ABHD18: variants seen among roughly 807,000 people sequenced by gnomAD.
ABHD18 encodes cardiolipin-specific deacylase, mitochondrial.
A neutral mutation model predicts 65.9 loss-of-function variants in ABHD18; 55 were observed. The ratio of observed to expected loss-of-function variants is 0.84; its 90% CI spans 0.67 to 1.05. ABHD18 has a LOEUF of 1.05. Among genes scored for constraint, ABHD18 ranks in the 50% least tolerant of loss-of-function variants. ABHD18 has a pLI of 0.00. For missense variants in ABHD18, 533 were observed against 558.5 expected (o/e 0.95, Z 0.46); for synonymous variants, 181 against 180.2 (o/e 1.00, Z -0.04).
At chr4:127,998,123 A>G (rs1483235696) in intron 4 of ABHD18, among the ~76,000 whole-genome samples, 1 of 152,038 alleles carries the variant, frequency 6.6e-6, no homozygotes, top group Admixed American at 6.6e-5. Flanking sequence ...TCCTGGGCTC[A>G]AGGGATCCTC....
At chr4:127,985,947 G>C (rs1255276364) in intron 3 of ABHD18, among the ~76,000 whole-genome samples, 1 of 152,066 alleles carries the variant, frequency 6.6e-6, no homozygotes, top group Non-Finnish European at 1.5e-5. Context: ...CCCAGGATGC[G>C]GAGGTTGCAG....
At chr4:128,004,080 A>G (rs1382668182) in intron 4 of ABHD18, among the ~76,000 whole-genome samples, 1 of 151,950 alleles carries the variant, frequency 6.6e-6, no homozygotes, top group African/African-American at 2.4e-5. Context: ...TATTCTTTTT[A>G]TAACATCTGT....
intron 4 of ABHD18, 24 bp downstream of exon 4, chr4:127,989,845 G>C: frequency 7.3e-7 from 1 of 1,360,994 alleles, no homozygotes; most frequent in South Asian, 1.4e-5. Flanking sequence ...TGTTCAAAAA[G>C]ATGAATACAT....
chr4:127,973,368 G>A (rs192534570), intron 1 of ABHD18, among the ~76,000 whole-genome samples: 1 of 152,270 alleles, frequency 6.6e-6, no homozygotes, highest in African/African-American at 2.4e-5. Flanking sequence ...ATTCAAGTCT[G>A]TGGAGTTTGG....
chr4:128,016,291 T>C (rs960281018), intron 7 of ABHD18, among the ~76,000 whole-genome samples: 8 of 152,060 alleles, frequency 5.3e-5, no homozygotes, highest in African/African-American at 1.9e-4. Flanking sequence ...TGTGTAAAAT[T>C]AGCTTCTAAA....
intron 4 of ABHD18, among the ~76,000 whole-genome samples, chr4:127,995,517 T>A (rs181822071): frequency 6.3e-4 from 96 of 152,330 alleles, no homozygotes; most frequent in African/African-American, 2.1e-3. Flanking sequence ...GACTCGTGAT[T>A]TTAAATATGT....
intron 7 of ABHD18, among the ~76,000 whole-genome samples, chr4:128,012,692 A>G (rs918043623): frequency 6.6e-6 from 1 of 152,106 alleles, no homozygotes; most frequent in Admixed American, 6.6e-5. Flanking sequence ...TTGGAATAAG[A>G]TCAGCCACAG....
At chr4:127,991,326 A>G (rs1402787672) in intron 4 of ABHD18, among the ~76,000 whole-genome samples, 1 of 152,190 alleles carries the variant, frequency 6.6e-6, no homozygotes, top group Admixed American at 6.5e-5. Flanking sequence ...TCCCGGGTTC[A>G]GGTGATTCTC....
intron 3 of ABHD18, among the ~76,000 whole-genome samples, chr4:127,985,027 G>C (rs190307505): frequency 6.6e-6 from 1 of 152,182 alleles, no homozygotes; most frequent in East Asian, 1.9e-4. Context: ...GGCTCAGGAG[G>C]GTTAAACCAC....
intron 1 of ABHD18, among the ~76,000 whole-genome samples, chr4:127,976,855 C>T (rs1748013609): frequency 6.6e-6 from 1 of 152,080 alleles, no homozygotes; most frequent in Non-Finnish European, 1.5e-5. Flanking sequence ...TCCTGGCTAA[C>T]ACGCTGAAAC....
At chr4:127,966,202 T>TA in intron 1 of ABHD18, 1 of 152,324 alleles carries the variant, frequency 6.6e-6, no homozygotes, top group South Asian at 2.1e-4. Context: ...ATTAGGCTTG[T>TA]AGGCTAGCTG....
rs1231022099 is a variant in ABHD18 at position 127,968,701 on chromosome 4, A to G, written c.-18+3095A>G. Among the ~76,000 whole-genome samples the G allele has an allele frequency of 2.0e-5, 3 of 152,310 alleles. No individual in the cohort carries two copies. In the East Asian group the frequency reaches 5.8e-4, roughly 29 times the overall value. On this transcript the variant is annotated intron_variant, in intron 1 of 12. Transcript: ENST00000645843. ...CCCTTTGCTTTTCCCTTTCACATTG[A>G]TAACTGTGTCATTTTAGCTTGATAT...
chr4:127,988,214 T>G (rs931819624), intron 3 of ABHD18, among the ~76,000 whole-genome samples: 1 of 152,174 alleles, frequency 6.6e-6, no homozygotes. Flanking sequence ...AAAAAAATTT[T>G]TGGTTTTTTT....
At chr4:127,979,837 G>GC in intron 1 of ABHD18, among the ~76,000 whole-genome samples, 1 of 145,928 alleles carries the variant, frequency 6.9e-6, no homozygotes, top group Non-Finnish European at 1.5e-5. Context: ...AATCACTTGA[G>GC]CCAAGGAGGT....
chr4:128,013,124 A>G (rs1156701701), intron 7 of ABHD18, among the ~76,000 whole-genome samples: 3 of 151,706 alleles, frequency 2.0e-5, no homozygotes, highest in Non-Finnish European at 4.4e-5. Flanking sequence ...CATGCTTTCA[A>G]TGTGAATGAT....
intron 4 of ABHD18, among the ~76,000 whole-genome samples, chr4:127,996,988 A>G (rs1751851083): frequency 1.3e-5 from 2 of 152,212 alleles, no homozygotes; most frequent in African/African-American, 2.4e-5. Flanking sequence ...ATCCATTTGT[A>G]CAACAGTGGT....
At chr4:128,003,144 G>A (rs1381421193) in intron 4 of ABHD18, among the ~76,000 whole-genome samples, 8 of 151,662 alleles carry the variant, frequency 5.3e-5, no homozygotes, top group South Asian at 2.1e-4. Context: ...TGAGGTGGGC[G>A]GATCATGAGG....
At chr4:128,035,571 C>G (rs1021457137) in intron 12 of ABHD18, among the ~76,000 whole-genome samples, 191 bp from the exon 13 acceptor site, 2 of 150,368 alleles carry the variant, frequency 1.3e-5, no homozygotes, top group Admixed American at 6.6e-5. Context: ...GACCCTGTCT[C>G]AAAAGAAAAA....
chr4:127,997,063 G>C (rs751985409), intron 4 of ABHD18, among the ~76,000 whole-genome samples: 4 of 152,164 alleles, frequency 2.6e-5, no homozygotes, highest in Non-Finnish European at 5.9e-5. Flanking sequence ...GTAAAGACAG[G>C]CATAAGAAAT....
Sources: allele counts gnomAD v4.1 joint callset (sites outside exome capture counted in the v4.1 genomes callset), GRCh38; gene constraint gnomAD v4.1.1; transcripts MANE v1.5; gene names NCBI Gene and HGNC (gene_info 2026-07-23, HGNC 2026-07-21).